The following PIEZO2 variants were observed in gnomAD, a reference collection of about 807,000 sequenced individuals.
The protein encoded by PIEZO2 is piezo type mechanosensitive ion channel component 2, also known as piezo-type mechanosensitive ion channel component 2.
PIEZO2 carries 172 observed loss-of-function variants against 337.3 expected under a neutral mutation model. The observed-to-expected ratio is 0.51, with a 90% CI of 0.45 to 0.58. The LOEUF (loss-of-function observed/expected upper bound fraction) is 0.58, where lower values mean the gene tolerates loss of function less well. Ranked by LOEUF, PIEZO2 falls within the 20% of genes least tolerant of loss-of-function variation. The pLI, the probability that PIEZO2 is intolerant of heterozygous loss-of-function variation, is 0.00. For synonymous variants in PIEZO2, 1,251 were observed against 1,228.5 expected, an observed-to-expected ratio of 1.02 and a Z score of -0.38; for missense variants, 3,028 against 3,391.3, an observed-to-expected ratio of 0.89 and a Z score of 2.66.
At chr18:10,734,367 AGG>A (rs2036911023) in intron 35 of PIEZO2, among the ~76,000 whole-genome samples, 4 of 152,198 alleles carry the variant, frequency 2.6e-5, no homozygotes, top group Non-Finnish European at 5.9e-5. Flanking sequence ...TGAGAGTTTG[AGG>A]GAAATGCACA....
In PIEZO2 at chr18:10,821,212, A is replaced by G. The variant is rs759041229; in HGVS notation, c.918-13938T>C. ...GGATTCCCTTCCCCACATAATGTAC[A>G]GTAAATTCCTCCAGGTAGAAAGCTG... is the stretch of plus-strand genomic sequence containing the variant. On this transcript the variant is annotated intron_variant, in intron 7 of 55. Transcript: ENST00000674853. The surrounding 1 kb of genome is among the most constrained non-coding windows in gnomAD (Gnocchi z 4.2). Among the ~76,000 whole-genome samples, 9 of 152,168 alleles carry G rather than the reference A, an allele frequency of 5.9e-5. No individual in the cohort carries two copies. The highest frequency in any genetic ancestry group is 1.3e-4 in the Non-Finnish European group (9 of 68,034).
At chr18:10,994,488 C>T (rs923912489) in intron 2 of PIEZO2, among the ~76,000 whole-genome samples, 3 of 151,114 alleles carry the variant, frequency 2.0e-5, no homozygotes, top group African/African-American at 7.3e-5. Context: ...CGGCTCACTG[C>T]AACCTCCGCC....
At chr18:10,678,477 C>T (rs958721049) in intron 52 of PIEZO2, among the ~76,000 whole-genome samples, 2 of 152,078 alleles carry the variant, frequency 1.3e-5, no homozygotes, top group African/African-American at 4.8e-5. Context: ...ATTTTAGATG[C>T]CAGAAAGCAT....
chr18:10,752,836 A>G lies in PIEZO2; in HGVS notation c.3967T>C (p.Phe1323Leu). ...AAGATGATGGTGAGCACAAACCAGA[A>G]GAGGTAGCTGAAGATGATCACTTTG... is the stretch of plus-strand genomic sequence containing the variant. ...MSKVIIFSYL[F>L]WFVLTIIFIT... is the part of the protein sequence containing the mutation. The change falls in exon 28 of 56, where the codon TTC becomes CTC. Residue 1323 changes from phenylalanine to leucine, a missense_variant. Physicochemically the swap from Phe to Leu is conservative, Grantham distance 22. Around this residue, in one of 5 missense-constraint regions of PIEZO2, gnomAD observed 1,925 missense variants for 2,051.9 expected, o/e 0.94. Transcript: ENST00000674853. The G allele has an allele frequency of 2.0e-6, 3 of 1,537,200 alleles. No homozygotes were observed. Among genetic ancestry groups the G allele is most frequent in the Non-Finnish European group, 2.6e-6 (3 of 1,146,914 alleles).
At chr18:10,754,774 A>G (rs1167736098) in intron 27 of PIEZO2, among the ~76,000 whole-genome samples, 1 of 152,178 alleles carries the variant, frequency 6.6e-6, no homozygotes, top group Non-Finnish European at 1.5e-5. Context: ...TTCCTGATTT[A>G]CTCAGTTCAT....
intron 15 of PIEZO2, among the ~76,000 whole-genome samples, chr18:10,787,726 T>C (rs2039273566): frequency 6.6e-6 from 1 of 152,252 alleles, no homozygotes; most frequent in Non-Finnish European, 1.5e-5. Context: ...CTTTTGAGAT[T>C]TTTTTATCTT....
intron 49 of PIEZO2, among the ~76,000 whole-genome samples, chr18:10,684,108 C>G (rs1358852852): frequency 1.6e-5 from 2 of 123,340 alleles, no homozygotes; most frequent in Non-Finnish European, 3.2e-5. Context: ...TTCTCTCTCT[C>G]TTTCTTTCTT....
intron 1 of PIEZO2, among the ~76,000 whole-genome samples, chr18:11,140,180 T>C (rs989045404): frequency 1.3e-5 from 2 of 152,146 alleles, no homozygotes; most frequent in African/African-American, 4.8e-5. Flanking sequence ...AAAATTTTTT[T>C]CCCCATACTT....
intron 2 of PIEZO2, among the ~76,000 whole-genome samples, chr18:10,994,178 C>G (rs1174570040): frequency 6.6e-6 from 1 of 152,126 alleles, no homozygotes; most frequent in Non-Finnish European, 1.5e-5. Context: ...CAGTGAATGC[C>G]ATCAATTCAT....
rs34887184 is a variant in PIEZO2 at position 10,901,430 on chromosome 18, G to GCACACA, written c.329+9750_329+9755dup. On this transcript the variant is annotated intron_variant, in intron 4 of 55. Coordinates refer to ENST00000674853, the MANE Select transcript of PIEZO2 (RefSeq NM_001378183.1). ...CCTACTTCTATTCACACACACACAC[G>GCACACA]CACACACACACACACACACACACAC... Among the ~76,000 whole-genome samples the GCACACA allele has an allele frequency of 5.0e-3, 734 of 147,982 alleles. 9 individuals are homozygous for GCACACA. The highest frequency in any genetic ancestry group is 0.017 in the African/African-American group (682 of 40,430).
chr18:10,742,454 A>C, intron 32 of PIEZO2, 40 bp downstream of exon 32: 1 of 1,533,000 alleles, frequency 6.5e-7, no homozygotes, highest in Non-Finnish European at 8.7e-7. Context: ...GCTATTATTC[A>C]ATGTTAAAAC....
At chr18:10,763,257 T>G in intron 21 of PIEZO2, 159 bp from the exon 22 acceptor site, 1 of 715,234 alleles carries the variant, frequency 1.4e-6, no homozygotes, top group Non-Finnish European at 2.3e-6. Flanking sequence ...GGTACTAAAG[T>G]AGGTGAGTTA....
In PIEZO2 at chr18:10,862,379, T is replaced by A. The variant is rs2041897991; in HGVS notation, c.493-5168A>T. On this transcript the variant is annotated intron_variant, in intron 5 of 55. Transcript: ENST00000674853. This position sits in a 1 kb window ranked among gnomAD's most constrained non-coding sequence, Gnocchi z 4.4. The stretch of plus-strand genomic sequence containing the variant: ...TACACAAGGCCAGCCTGTTCTCTGT[T>A]AGGGCCCTGAATGAGGGCCTAAACA... Among the ~76,000 whole-genome samples, 1 of 152,156 alleles carries A rather than the reference T, an allele frequency of 6.6e-6. No individual in the cohort carries two copies. Among genetic ancestry groups the A allele is most frequent in the South Asian group, 2.1e-4 (1 of 4,822 alleles).
At chr18:11,130,501 T>C (rs1032536839) in intron 1 of PIEZO2, among the ~76,000 whole-genome samples, 1 of 152,256 alleles carries the variant, frequency 6.6e-6, no homozygotes, top group African/African-American at 2.4e-5. Flanking sequence ...GAGACCTTGA[T>C]AGCTTTTCAC....
At chr18:10,786,886 A>G (rs2039242412) in intron 16 of PIEZO2, 150 bp downstream of exon 16, 2 of 787,320 alleles carry the variant, frequency 2.5e-6, no homozygotes, top group Non-Finnish European at 3.9e-6. Flanking sequence ...TAAAGAGAAC[A>G]CAAAAACGAC....
chr18:10,948,829 TACAAATAC>T (rs2033152275), intron 3 of PIEZO2, among the ~76,000 whole-genome samples: 1 of 152,214 alleles, frequency 6.6e-6, no homozygotes, highest in South Asian at 2.1e-4. Flanking sequence ...GTTACAGAAA[TACAAATAC>T]ACAAATACAT....
intron 7 of PIEZO2, among the ~76,000 whole-genome samples, chr18:10,841,547 T>C (rs1354246998): frequency 2.0e-5 from 3 of 152,150 alleles, no homozygotes; most frequent in Non-Finnish European, 4.4e-5. Context: ...ATTTATTCAA[T>C]GTGAGGAAAG....
chr18:11,086,130 T>G (rs1479033385), intron 1 of PIEZO2, among the ~76,000 whole-genome samples: 1 of 152,182 alleles, frequency 6.6e-6, no homozygotes, highest in Non-Finnish European at 1.5e-5. Flanking sequence ...CAGCAATGGG[T>G]AATATTAAAA....
Position 11,016,842 on chromosome 18 carries a change from T to C in PIEZO2, c.161-37182A>G, listed in dbSNP as rs527577814. 6.6e-6 allele frequency among the ~76,000 whole-genome samples: 1 copy of C among 152,336 alleles called. No homozygotes were observed. Among genetic ancestry groups the C allele is most frequent in the East Asian group, 1.9e-4 (1 of 5,182 alleles). ...TCTTGTTGGAAAAACTCCATCCTTT[T>C]GTTATTTCCTTCTCCCCTAATAATT... On this transcript the variant is annotated intron_variant, in intron 2 of 55. Transcript: ENST00000674853. This position sits in a 1 kb window ranked among gnomAD's most constrained non-coding sequence, Gnocchi z 5.6.
Sources: gnomAD v4.1 joint callset for allele counts (sites outside exome capture counted in the v4.1 genomes callset) on GRCh38, gnomAD v4.1.1 for gene constraint, gnomAD v4.1.1 regional missense constraint, Gnocchi (gnomAD v3.1) non-coding constraint, MANE v1.5 for transcripts, NCBI Gene and HGNC (gene_info 2026-07-23, HGNC 2026-07-21) for gene names.